ARHGEF37: variants seen among roughly 807,000 people sequenced by gnomAD.
The protein encoded by ARHGEF37 is Rho guanine nucleotide exchange factor 37, also known as Rho guanine nucleotide exchange factor (GEF) 37.
In ARHGEF37, 55 loss-of-function variants were observed where a neutral mutation model predicts 71.1. That is an observed-to-expected ratio of 0.77 (90% CI 0.62 to 0.97). The LOEUF is 0.97. Among genes scored for constraint, ARHGEF37 ranks in the 50% least tolerant of loss-of-function variants. The pLI, the probability that ARHGEF37 is intolerant of heterozygous loss-of-function variation, is 0.00. For synonymous variants in ARHGEF37, 327 were observed against 350.6 expected (o/e 0.93, Z 0.75); for missense variants, 765 against 836.8 (o/e 0.91, Z 1.06).
intron 4 of ARHGEF37, 126 bp from the exon 5 acceptor site, chr5:149,616,441 G>T: frequency 1.2e-6 from 1 of 827,738 alleles, no homozygotes; most frequent in South Asian, 2.0e-5. Flanking sequence ...CTGGAGGATC[G>T]CAGAGAGGGG....
intron 3 of ARHGEF37, among the ~76,000 whole-genome samples, chr5:149,602,206 G>A (rs1486857833): frequency 5.9e-5 from 9 of 151,804 alleles, no homozygotes; most frequent in Admixed American, 3.9e-4. Context: ...ACAAGCGTGC[G>A]CCACCATGCC....
At chr5:149,603,231 C>G (rs937970914) in intron 3 of ARHGEF37, among the ~76,000 whole-genome samples, 2 of 152,126 alleles carry the variant, frequency 1.3e-5, no homozygotes, top group Admixed American at 6.5e-5. Flanking sequence ...CCGTGCCTGG[C>G]CTAAATACGC....
At chr5:149,558,067 G>A (rs1282026970) in intron 1 of ARHGEF37, among the ~76,000 whole-genome samples, 1 of 151,774 alleles carries the variant, frequency 6.6e-6, no homozygotes, top group Non-Finnish European at 1.5e-5. Flanking sequence ...GCAGAGACGG[G>A]GTTTTGCCAT....
intron 1 of ARHGEF37, among the ~76,000 whole-genome samples, chr5:149,556,269 C>T (rs1762754301): frequency 6.6e-6 from 1 of 152,260 alleles, no homozygotes; most frequent in Admixed American, 6.5e-5. Context: ...TCTCAGCTCA[C>T]TGCAACCTCC....
upstream of ARHGEF37, among the ~76,000 whole-genome samples, chr5:149,581,235 C>G (rs1236395819): frequency 6.6e-6 from 1 of 152,194 alleles, no homozygotes; most frequent in African/African-American, 2.4e-5. Context: ...TTCTGGATGA[C>G]GAGCCCGCGG....
intron 3 of ARHGEF37, among the ~76,000 whole-genome samples, chr5:149,603,153 G>A (rs867523223): frequency 8.6e-5 from 13 of 151,960 alleles, no homozygotes; most frequent in Admixed American, 8.5e-4. Context: ...GGCTGGTCTC[G>A]AGCTCCTGAC....
chr5:149,596,070 T>C (rs1427152721), intron 1 of ARHGEF37, among the ~76,000 whole-genome samples: 2 of 152,036 alleles, frequency 1.3e-5, no homozygotes, highest in African/African-American at 4.8e-5. Flanking sequence ...TCTGGTTCAC[T>C]GAGTTTCAAA....
chr5:149,591,502 G>C (rs1763405370), intron 1 of ARHGEF37, among the ~76,000 whole-genome samples: 1 of 152,192 alleles, frequency 6.6e-6, no homozygotes, highest in Non-Finnish European at 1.5e-5. Flanking sequence ...TCCCTCCTCA[G>C]CTTCCTGAGT....
rs761780546 is a variant in ARHGEF37 at position 149,618,312 on chromosome 5, C to T, written c.789+6C>T. The stretch of plus-strand genomic sequence containing the variant: ...AGGCGGGGCTGATCCCCAGGGTGAG[C>T]GTGCGCCTGGGAGGAAGAGTCACAT... On this transcript the variant is annotated splice_donor_region_variant and intron_variant, in intron 6 of 12. Coordinates refer to ENST00000333677, the MANE Select transcript of ARHGEF37 (RefSeq NM_001001669.3). 4.3e-6 allele frequency: 7 copies of T among 1,614,014 alleles called. No individual in the cohort carries two copies. Among genetic ancestry groups the T allele is most frequent in the African/African-American group, 2.7e-5 (2 of 75,058 alleles).
rs1752920896 is a variant in ARHGEF37, at chr5:149,632,635, C to T, written c.*444C>T. Reference sequence around the variant, plus strand: ...ACTGCCTGGTCAGACAGTTCACTTCCTACACATGGTATCAGGAGACATCAT... The same window carrying T: ...ACTGCCTGGTCAGACAGTTCACTTCTTACACATGGTATCAGGAGACATCAT... On this transcript the variant is annotated 3_prime_UTR_variant, in exon 13 of 13. Coordinates refer to ENST00000333677, the MANE Select transcript of ARHGEF37 (RefSeq NM_001001669.3). 1 of 182,764 alleles carries T rather than the reference C, an allele frequency of 5.5e-6. No homozygotes were observed. Among genetic ancestry groups the T allele is most frequent in the Non-Finnish European group, 1.2e-5 (1 of 85,052 alleles). The allele number at this position is 182,764 out of a possible 1,614,324, so 11.3% of individuals were successfully genotyped here.
chr5:149,552,285 T>C (rs566214976), intron 1 of ARHGEF37, among the ~76,000 whole-genome samples: 66 of 147,262 alleles, frequency 4.5e-4, no homozygotes, highest in Non-Finnish European at 8.2e-4. Flanking sequence ...AGTATTAACC[T>C]GAACAGAGTA....
At position 149,633,891 on chromosome 5, in the gene ARHGEF37, G is replaced by A. The variant is rs1014934237; in HGVS notation, c.*1700G>A. On this transcript the variant is annotated 3_prime_UTR_variant, in exon 13 of 13. Coordinates refer to ENST00000333677, the MANE Select transcript of ARHGEF37 (RefSeq NM_001001669.3). Reference sequence around the variant, plus strand: ...GCCCTACGGTTCCTTTCTCAGCAGCGAATTCACTTGAGAGGATGCTCTTGA... The same window carrying A: ...GCCCTACGGTTCCTTTCTCAGCAGCAAATTCACTTGAGAGGATGCTCTTGA... The A allele has an allele frequency of 6.6e-6, 1 of 152,164 alleles. No homozygotes were observed. The highest frequency in any genetic ancestry group is 1.5e-5 in the Non-Finnish European group (1 of 68,042). The allele number at this position is 152,164 out of a possible 1,614,324, so 9.4% of individuals were successfully genotyped here. A position where few individuals can be genotyped will look rare whatever the true frequency, so the allele number is the denominator to read the frequency against.
intron 1 of ARHGEF37, among the ~76,000 whole-genome samples, chr5:149,559,008 T>G (rs948214729): frequency 6.6e-6 from 1 of 152,110 alleles, no homozygotes; most frequent in Admixed American, 6.6e-5. Context: ...AAGTACGTAT[T>G]TTATTTTTCA....
chr5:149,568,938 AT>A (rs1465426391), intron 1 of ARHGEF37, among the ~76,000 whole-genome samples: 2 of 150,886 alleles, frequency 1.3e-5, no homozygotes, highest in African/African-American at 4.9e-5. Flanking sequence ...TTTATCATAG[AT>A]TTGTTTTCCC....
At chr5:149,583,273 A>G (rs1269108662) in intron 1 of ARHGEF37, among the ~76,000 whole-genome samples, 2 of 152,192 alleles carry the variant, frequency 1.3e-5, no homozygotes, top group African/African-American at 4.8e-5. Context: ...AGTAGCTGGG[A>G]CTACAGGCAC....
chr5:149,560,506 A>AT, intron 1 of ARHGEF37, among the ~76,000 whole-genome samples: 1 of 152,220 alleles, frequency 6.6e-6, no homozygotes, highest in East Asian at 1.9e-4. Context: ...ATTATGTCAG[A>AT]AAATGTTATC....
At chr5:149,614,883 G>T (rs1341094617) in intron 4 of ARHGEF37, among the ~76,000 whole-genome samples, 3 of 152,200 alleles carry the variant, frequency 2.0e-5, no homozygotes, top group African/African-American at 7.2e-5. Flanking sequence ...AGGGCCCAGA[G>T]AAAGTTCCTG....
At chr5:149,571,905 C>CAAAAAA (rs150393350) in intron 1 of ARHGEF37, among the ~76,000 whole-genome samples, 16 of 77,464 alleles carry the variant, frequency 2.1e-4, no homozygotes, top group South Asian at 5.1e-4. Flanking sequence ...GACCCTGTCT[C>CAAAAAA]AAAAAAAAAA....
At chr5:149,630,356 C>T (rs947098396) in intron 12 of ARHGEF37, among the ~76,000 whole-genome samples, 1 of 152,108 alleles carries the variant, frequency 6.6e-6, no homozygotes, top group Admixed American at 6.5e-5. Flanking sequence ...GCAGCCCTCA[C>T]AATGATCAGC....
Sources: allele counts gnomAD v4.1 joint callset (sites outside exome capture counted in the v4.1 genomes callset), GRCh38; gene constraint gnomAD v4.1.1; transcripts MANE v1.5; gene names NCBI Gene and HGNC (gene_info 2026-07-23, HGNC 2026-07-21).